The following AFAP1L2 variants were observed in gnomAD, a reference collection of about 807,000 sequenced individuals.
The protein encoded by AFAP1L2 is actin filament associated protein 1 like 2.
A neutral mutation model predicts 99.3 loss-of-function variants in AFAP1L2; 46 were observed. That is an observed-to-expected ratio of 0.46 (90% CI 0.37 to 0.59). The LOEUF (loss-of-function observed/expected upper bound fraction) is 0.59, where lower values mean the gene tolerates loss of function less well. Ranked by LOEUF, AFAP1L2 falls within the 20% of genes least tolerant of loss-of-function variation. The probability of loss-of-function intolerance (pLI) is 0.00; values close to 1 mark genes in which losing one functional copy is unlikely to be tolerated. For synonymous variants in AFAP1L2, 397 were observed against 419.1 expected, an observed-to-expected ratio of 0.95 and a Z score of 0.64; for missense variants, 959 against 1,034.9, an observed-to-expected ratio of 0.93 and a Z score of 1.01.
At chr10:114,365,620 T>C (rs776485099) in intron 1 of AFAP1L2, among the ~76,000 whole-genome samples, 12 of 152,088 alleles carry the variant, frequency 7.9e-5, no homozygotes, top group Non-Finnish European at 1.0e-4. Context: ...CCCCTACAAA[T>C]GCCTTTCTAG....
intron 1 of AFAP1L2, among the ~76,000 whole-genome samples, chr10:114,396,101 A>T (rs890970830): frequency 3.9e-5 from 6 of 152,136 alleles, no homozygotes; most frequent in Non-Finnish European, 7.4e-5. Context: ...TTGTGATTTT[A>T]AAAAGTTGCA....
chr10:114,320,928 C>CA (rs575478888), intron 5 of AFAP1L2, among the ~76,000 whole-genome samples: 343 of 152,298 alleles, frequency 2.3e-3, no homozygotes, highest in African/African-American at 7.1e-3. Flanking sequence ...GGTGAGCTGG[C>CA]ACCACCTCGC....
chr10:114,326,036 A>C, intron 4 of AFAP1L2: 1 of 1,288,776 alleles, frequency 7.8e-7, no homozygotes, highest in Non-Finnish European at 1.0e-6. Context: ...CAAGGTCAGG[A>C]TTCTCTAGAG....
intron 1 of AFAP1L2, among the ~76,000 whole-genome samples, chr10:114,397,032 C>G (rs1163895991): frequency 6.6e-6 from 1 of 152,234 alleles, no homozygotes; most frequent in East Asian, 1.9e-4. Context: ...TGATACCCAA[C>G]CTTGACCTTG....
At chr10:114,314,157 C>T (rs2043736829) in intron 6 of AFAP1L2, 107 bp from the exon 7 acceptor site, 2 of 1,139,642 alleles carry the variant, frequency 1.8e-6, no homozygotes, top group Non-Finnish European at 2.5e-6. Flanking sequence ...AAGAGCCTGA[C>T]TTAACCCAGC....
intron 1 of AFAP1L2, among the ~76,000 whole-genome samples, chr10:114,351,501 C>T (rs998658024): frequency 6.6e-6 from 1 of 152,162 alleles, no homozygotes; most frequent in Non-Finnish European, 1.5e-5. Context: ...CTGTCCAGGC[C>T]CCTGCCTCCA....
intron 1 of AFAP1L2, among the ~76,000 whole-genome samples, chr10:114,398,340 T>C (rs1426983217): frequency 6.6e-6 from 1 of 152,182 alleles, no homozygotes; most frequent in Non-Finnish European, 1.5e-5. Flanking sequence ...ACATGAAGAA[T>C]ACACAGATGC....
chr10:114,326,235 C>T lies in AFAP1L2; in HGVS notation c.316-2974G>A, dbSNP rs1013436266. 3.9e-5 allele frequency among the ~76,000 whole-genome samples: 6 copies of T among 152,122 alleles called. 1 individual carries two copies. The East Asian group carries it at 9.6e-4, about 24-fold the overall frequency. Reference sequence around the variant, plus strand: ...AGAAGTTTGAGCTACGCGAGGTGTGCAAAATGTATCAAGCCCAGGAGTATG... The same window carrying T: ...AGAAGTTTGAGCTACGCGAGGTGTGTAAAATGTATCAAGCCCAGGAGTATG... On this transcript the variant is annotated intron_variant, in intron 4 of 18. Coordinates refer to ENST00000304129, the MANE Select transcript of AFAP1L2 (RefSeq NM_001001936.3).
chr10:114,383,645 C>G (rs894222211), intron 1 of AFAP1L2, among the ~76,000 whole-genome samples: 2 of 152,180 alleles, frequency 1.3e-5, no homozygotes, highest in South Asian at 2.1e-4. Context: ...AAATGTGTAG[C>G]TGTTGTGTAT....
At chr10:114,301,984 A>G (rs903148189) in intron 12 of AFAP1L2, 2 of 277,738 alleles carry the variant, frequency 7.2e-6, no homozygotes, top group Non-Finnish European at 1.4e-5. Context: ...CCACCCCCTG[A>G]CCTGCTTTTC....
Position 114,302,335 on chromosome 10 carries a change from T to C in AFAP1L2, c.1430+4A>G. ...TGTACGGAGGAAGGGTCCAAATTAC[T>C]CACAAGAGAGAGTTTTTGGCCGCAC... On this transcript the variant is annotated splice_donor_region_variant and intron_variant, in intron 12 of 18. Transcript: ENST00000304129. 1 of 1,613,986 alleles carries C rather than the reference T, an allele frequency of 6.2e-7. No homozygotes were observed. The highest frequency in any genetic ancestry group is 8.5e-7 in the Non-Finnish European group (1 of 1,179,976).
chr10:114,291,222 C>T, downstream of AFAP1L2: 1 of 1,550,580 alleles, frequency 6.4e-7, no homozygotes, highest in Non-Finnish European at 8.7e-7. Context: ...CCCCAGGATT[C>T]TTGAGACGCC....
At chr10:114,299,171 G>A in intron 16 of AFAP1L2, 89 bp downstream of exon 16, 4 of 1,505,548 alleles carry the variant, frequency 2.7e-6, no homozygotes, top group Non-Finnish European at 3.6e-6. Context: ...TGATTGAGAA[G>A]GTGTGGTGAC....
downstream of AFAP1L2, chr10:114,291,381 C>T: frequency 1.0e-6 from 1 of 961,912 alleles, no homozygotes; most frequent in Non-Finnish European, 1.5e-6. Context: ...GTGGCCAGGA[C>T]CACTATTCTC....
At chr10:114,338,320 C>A (rs1174151765) in intron 2 of AFAP1L2, among the ~76,000 whole-genome samples, 1 of 152,166 alleles carries the variant, frequency 6.6e-6, no homozygotes, top group Non-Finnish European at 1.5e-5. Context: ...GGATTAGATG[C>A]CCTTGCACGG....
In AFAP1L2 at chr10:114,393,896, G is replaced by A. The variant is rs552089503; in HGVS notation, c.16+10544C>T. Among the ~76,000 whole-genome samples, 41 of 152,366 alleles carry A rather than the reference G, an allele frequency of 2.7e-4. No homozygotes were observed. In the South Asian group the frequency reaches 8.3e-3, roughly 31 times the overall value. The stretch of plus-strand genomic sequence containing the variant: ...TAGTCAACGTTGAGCCTTCATGCTT[G>A]GAACTTTTATCCAAACAATGGACAC... On this transcript the variant is annotated intron_variant, in intron 1 of 18. Coordinates refer to ENST00000304129, the MANE Select transcript of AFAP1L2 (RefSeq NM_001001936.3).
intron 2 of AFAP1L2, among the ~76,000 whole-genome samples, chr10:114,340,053 A>C (rs1228418758): frequency 6.7e-6 from 1 of 148,976 alleles, no homozygotes; most frequent in African/African-American, 2.5e-5. Flanking sequence ...GATTAGGGTC[A>C]GGCATGGTGG....
At chr10:114,339,751 C>T (rs910496954) in intron 2 of AFAP1L2, among the ~76,000 whole-genome samples, 11 of 152,124 alleles carry the variant, frequency 7.2e-5, no homozygotes, top group South Asian at 2.1e-4. Context: ...TGGTGGCTTA[C>T]GCCTGTAATC....
chr10:114,289,193 C>T, the AFAP1L2 span: 1 of 1,613,580 alleles, frequency 6.2e-7, no homozygotes. Context: ...GGGGTGGGCT[C>T]AGCCGGCACC....
Sources: allele counts gnomAD v4.1 joint callset (sites outside exome capture counted in the v4.1 genomes callset), GRCh38; gene constraint gnomAD v4.1.1; transcripts MANE v1.5; gene names NCBI Gene and HGNC (gene_info 2026-07-23, HGNC 2026-07-21).